Variants in AGAP1 observed in about 807,000 individuals in gnomAD.
AGAP1 encodes the protein ArfGAP with GTPase domain, ankyrin repeat and PH domain 1.
Under a neutral mutation model 105.3 loss-of-function variants are expected in AGAP1, and 29 were observed. The observed-to-expected ratio is 0.28, with a 90% CI of 0.21 to 0.38. The LOEUF (loss-of-function observed/expected upper bound fraction) is 0.38, where lower values mean the gene tolerates loss of function less well. Among genes scored for constraint, AGAP1 ranks in the 10% least tolerant of loss-of-function variants. The pLI is 1.00. For synonymous variants in AGAP1, 509 were observed against 485.9 expected (o/e 1.05, Z -0.63); for missense variants, 998 against 1,165.1 (o/e 0.86, Z 2.09).
rs1423939655 is a variant in AGAP1 at position 236,056,102 on chromosome 2, A to T, written c.2114+6821A>T. 1.3e-5 allele frequency among the ~76,000 whole-genome samples: 2 copies of T among 152,184 alleles called. No individual in the cohort carries two copies. Among genetic ancestry groups the T allele is most frequent in the Non-Finnish European group, 2.9e-5 (2 of 68,022 alleles). ...GTGGGAATCCAGGCAAGCTCTCCATAAAGACTGGCTCTAATTATAAGAAAG... is the reference window on the plus strand; with the variant it reads ...GTGGGAATCCAGGCAAGCTCTCCATTAAGACTGGCTCTAATTATAAGAAAG... On this transcript the variant is annotated intron_variant, in intron 16 of 17. Transcript: ENST00000304032. The surrounding 1 kb of genome is among the most constrained non-coding windows in gnomAD (Gnocchi z 4.6).
chr2:235,749,737 C>T (rs940252349), intron 5 of AGAP1, among the ~76,000 whole-genome samples: 8 of 152,308 alleles, frequency 5.3e-5, no homozygotes, highest in East Asian at 1.9e-4. Flanking sequence ...ACCTCCTTCC[C>T]GGCATCAGTT....
Position 235,673,462 on chromosome 2 carries a change from T to C in AGAP1, c.164-35717T>C, listed in dbSNP as rs557092452. ...GATCTGAGGAAGGTAAAATGGTGTG[T>C]GTTATATAGAACGCTGCTTGTGAGA... is the stretch of plus-strand genomic sequence containing the variant. On this transcript the variant is annotated intron_variant, in intron 1 of 17. Coordinates refer to ENST00000304032, the MANE Select transcript of AGAP1 (RefSeq NM_001037131.3). Among the ~76,000 whole-genome samples the C allele has an allele frequency of 2.6e-5, 4 of 152,322 alleles. No homozygotes were observed. The East Asian group carries it at 5.8e-4, about 22-fold the overall frequency.
intron 3 of AGAP1, among the ~76,000 whole-genome samples, chr2:235,735,645 C>T (rs112918721): frequency 0.028 from 4,186 of 152,192 alleles, 175 homozygotes; most frequent in African/African-American, 0.09. Context: ...GGTGAACGCA[C>T]CCACTTCAGC....
chr2:235,746,376 A>ATTT (rs1559427651), intron 5 of AGAP1, among the ~76,000 whole-genome samples: 1 of 44,092 alleles, frequency 2.3e-5, no homozygotes, highest in African/African-American at 9.4e-5. Flanking sequence ...ACCTCCCCCA[A>ATTT]CTTTTTTTTT....
chr2:236,007,987 C>T (rs886288833), intron 13 of AGAP1, among the ~76,000 whole-genome samples: 1 of 152,244 alleles, frequency 6.6e-6, no homozygotes, highest in African/African-American at 2.4e-5. Context: ...TTACTCCACA[C>T]GTCATTTGGT....
At chr2:235,810,881 T>C (rs1256728317) in intron 9 of AGAP1, among the ~76,000 whole-genome samples, 1 of 149,462 alleles carries the variant, frequency 6.7e-6, no homozygotes, top group Non-Finnish European at 1.5e-5. Flanking sequence ...CGAGTAAAAA[T>C]TAAGAAGCAA....
intron 9 of AGAP1, chr2:235,853,177 CA>C: frequency 9.1e-7 from 1 of 1,097,400 alleles, no homozygotes; most frequent in Non-Finnish European, 1.1e-6. Context: ...GTGGTAGAAA[CA>C]TAAAACATTA....
rs1164511077 is a variant in AGAP1 at position 235,830,001 on chromosome 2, C to T, written c.1050+22670C>T. On this transcript the variant is annotated intron_variant, in intron 9 of 17. Coordinates refer to ENST00000304032, the MANE Select transcript of AGAP1 (RefSeq NM_001037131.3). The surrounding 1 kb of genome is among the most constrained non-coding windows in gnomAD (Gnocchi z 5.5). Reference sequence around the variant, plus strand: ...AGGAAGACTGGGGGCACATGGGGACCAGGACACCTGGACATACACAGTCAG... The same window carrying T: ...AGGAAGACTGGGGGCACATGGGGACTAGGACACCTGGACATACACAGTCAG... 2.0e-5 allele frequency among the ~76,000 whole-genome samples: 3 copies of T among 152,082 alleles called. No homozygotes were observed. Among genetic ancestry groups the T allele is most frequent in the African/African-American group, 7.2e-5 (3 of 41,416 alleles).
chr2:235,669,587 G>GCCCGC lies in AGAP1; in HGVS notation c.164-39582_164-39578dup, dbSNP rs1339690517. 796 of 147,800 alleles carry GCCCGC rather than the reference G, an allele frequency of 5.4e-3. 7 individuals carry two copies. The highest frequency in any genetic ancestry group is 0.018 in the African/African-American group (727 of 40,818). The allele number at this position is 147,800 out of a possible 1,614,324, so 9.2% of individuals were successfully genotyped here. Reference sequence around the variant, plus strand: ...GGTCCCTTGCACGTCGGCCCCCGTCGCCCGCCCCGCCCCGGCGCGCGTTTC... The same window carrying GCCCGC: ...GGTCCCTTGCACGTCGGCCCCCGTCGCCCGCCCCGCCCCGCCCCGGCGCGCGTTTC... On this transcript the variant is annotated intron_variant, in intron 1 of 17. Coordinates refer to ENST00000304032, the MANE Select transcript of AGAP1 (RefSeq NM_001037131.3).
chr2:235,497,043 T>C (rs1941347999), intron 1 of AGAP1, among the ~76,000 whole-genome samples: 2 of 152,258 alleles, frequency 1.3e-5, no homozygotes, highest in East Asian at 3.8e-4. Context: ...TTATCAATAA[T>C]GATACCACTT....
Position 236,101,806 on chromosome 2 carries a change from G to A in AGAP1, c.2115-18386G>A, listed in dbSNP as rs899450474. ...TAGGACGGCCTCACCCCGCTGGCTC[G>A]GGCTCCCTCTCACTGGGTACACATT... On this transcript the variant is annotated intron_variant, in intron 16 of 17. Coordinates refer to ENST00000304032, the MANE Select transcript of AGAP1 (RefSeq NM_001037131.3). This position sits in a 1 kb window ranked among gnomAD's most constrained non-coding sequence, Gnocchi z 4.9. Among the ~76,000 whole-genome samples, 11 of 152,144 alleles carry A rather than the reference G, an allele frequency of 7.2e-5. No homozygotes were observed. Among genetic ancestry groups the A allele is most frequent in the Admixed American group, 3.3e-4 (5 of 15,274 alleles).
rs753235727 is a variant in AGAP1, at chr2:235,625,012, T to C, written c.164-84167T>C. 2.0e-5 allele frequency among the ~76,000 whole-genome samples: 3 copies of C among 152,220 alleles called. No homozygotes were observed. The highest frequency in any genetic ancestry group is 4.4e-5 in the Non-Finnish European group (3 of 68,040). On this transcript the variant is annotated intron_variant, in intron 1 of 17. Coordinates refer to ENST00000304032, the MANE Select transcript of AGAP1 (RefSeq NM_001037131.3). This position sits in a 1 kb window ranked among gnomAD's most constrained non-coding sequence, Gnocchi z 4.0. The stretch of plus-strand genomic sequence containing the variant: ...CAAAACAGATGCTGATGCCATGCTT[T>C]CTATACACTCTGCAGAACCGTGTGC...
Position 235,536,468 on chromosome 2 carries a change from T to TACACACACAC in AGAP1, c.163+41637_163+41646dup, listed in dbSNP as rs68065934. ...ACCCTGGGGTTTGTTTGTGGCATCC[T>TACACACACAC]ACACACACACACACACACACACACA... On this transcript the variant is annotated intron_variant, in intron 1 of 17. Coordinates refer to ENST00000304032, the MANE Select transcript of AGAP1 (RefSeq NM_001037131.3). Among the ~76,000 whole-genome samples the TACACACACAC allele has an allele frequency of 1.0e-3, 50 of 48,990 alleles. 2 individuals are homozygous for TACACACACAC. Among genetic ancestry groups the TACACACACAC allele is most frequent in the African/African-American group, 4.6e-3 (39 of 8,414 alleles). 32.1% of individuals were successfully genotyped at this position (48,990 alleles called of 152,430 possible).
chr2:235,783,936 G>A (rs745677569), intron 6 of AGAP1, among the ~76,000 whole-genome samples: 2 of 152,102 alleles, frequency 1.3e-5, no homozygotes, highest in Admixed American at 6.6e-5. Flanking sequence ...TGCCTGCACC[G>A]TAGTTGAATT....
At chr2:236,070,500 C>T (rs1216843641) in intron 16 of AGAP1, among the ~76,000 whole-genome samples, 1 of 152,236 alleles carries the variant, frequency 6.6e-6, no homozygotes, top group Non-Finnish European at 1.5e-5. Flanking sequence ...CATAAATGTT[C>T]ATGGCAGCAT....
At chr2:236,024,487 C>G (rs957105607) in intron 13 of AGAP1, among the ~76,000 whole-genome samples, 12 of 152,170 alleles carry the variant, frequency 7.9e-5, no homozygotes, top group African/African-American at 2.7e-4. Context: ...CTTCCCTCCC[C>G]TCGCACCCAC....
At chr2:236,094,725 G>A (rs2059150322) in intron 16 of AGAP1, among the ~76,000 whole-genome samples, 1 of 151,990 alleles carries the variant, frequency 6.6e-6, no homozygotes, top group East Asian at 1.9e-4. Context: ...TTTGTGGACT[G>A]TATGTAAGTG....
intron 13 of AGAP1, among the ~76,000 whole-genome samples, chr2:235,995,271 T>C (rs1319248074): frequency 6.6e-6 from 1 of 151,726 alleles, no homozygotes; most frequent in African/African-American, 2.4e-5. Flanking sequence ...TCCCAACACT[T>C]TGGGGAGCCG....
In AGAP1 at chr2:235,870,472, C is replaced by A. The variant is rs577589943; in HGVS notation, c.1051-12873C>A. On this transcript the variant is annotated intron_variant, in intron 9 of 17. Coordinates refer to ENST00000304032, the MANE Select transcript of AGAP1 (RefSeq NM_001037131.3). ...CGAAACCCTGTCTCTACTAAAAATA[C>A]AAAATTAGCCAGGCATGGTGGCACA... 2.6e-5 allele frequency among the ~76,000 whole-genome samples: 4 copies of A among 152,178 alleles called. No homozygotes were observed. The East Asian group carries it at 5.8e-4, about 22-fold the overall frequency.
Sources: allele counts gnomAD v4.1 joint callset (sites outside exome capture counted in the v4.1 genomes callset), GRCh38; gene constraint gnomAD v4.1.1; non-coding constraint Gnocchi (gnomAD v3.1); transcripts MANE v1.5; gene names NCBI Gene and HGNC (gene_info 2026-07-23, HGNC 2026-07-21).